MAD1L1: variants seen among roughly 807,000 people sequenced by gnomAD.
The protein encoded by MAD1L1 is mitotic arrest deficient 1 like 1, also known as mitotic spindle assembly checkpoint protein MAD1.
In MAD1L1, 95 loss-of-function variants were observed where a neutral mutation model predicts 96.9. The observed-to-expected ratio is 0.98, with a 90% CI of 0.83 to 1.16. The LOEUF (loss-of-function observed/expected upper bound fraction) is 1.16. Among genes scored for constraint, MAD1L1 ranks in the 50% most tolerant of loss-of-function variants. MAD1L1 has a pLI of 0.00. For missense variants in MAD1L1, 1,007 were observed against 954.4 expected (o/e 1.06, Z -0.73); for synonymous variants, 473 against 396.6 (o/e 1.19, Z -2.29).
At chr7:2,209,301 T>C (rs546305085) in intron 10 of MAD1L1, among the ~76,000 whole-genome samples, 2 of 151,706 alleles carry the variant, frequency 1.3e-5, no homozygotes, top group African/African-American at 2.4e-5. Flanking sequence ...TCAGCCAGGG[T>C]TTATCCAAGC....
chr7:1,999,547 GGGA>G (rs1781698686), intron 14 of MAD1L1, among the ~76,000 whole-genome samples: 1 of 152,172 alleles, frequency 6.6e-6, no homozygotes, highest in South Asian at 2.1e-4. Context: ...AAACCTCAGC[GGGA>G]CTGCGGGGAC....
intron 13 of MAD1L1, among the ~76,000 whole-genome samples, chr7:2,011,436 C>A (rs1017717801): frequency 2.0e-5 from 3 of 152,158 alleles, no homozygotes; most frequent in Non-Finnish European, 4.4e-5. Context: ...CCCGAACTTG[C>A]GCCACATCCA....
intron 15 of MAD1L1, among the ~76,000 whole-genome samples, chr7:1,959,475 C>T (rs1016705621): frequency 6.6e-6 from 1 of 152,080 alleles, no homozygotes; most frequent in Non-Finnish European, 1.5e-5. Flanking sequence ...CACGAGGCAG[C>T]GCAAGGAACA....
intron 10 of MAD1L1, among the ~76,000 whole-genome samples, chr7:2,209,646 C>A (rs928063222): frequency 1.3e-5 from 2 of 152,200 alleles, no homozygotes; most frequent in East Asian, 3.9e-4. Context: ...ATCACCAAGG[C>A]GGGGGCACCA....
At chr7:1,853,459 C>T (rs753985185) in intron 18 of MAD1L1, among the ~76,000 whole-genome samples, 165 of 152,272 alleles carry the variant, frequency 1.1e-3, no homozygotes, top group Non-Finnish European at 9.0e-4. Context: ...AGGCATCAGA[C>T]GGCAGTGACA....
chr7:2,211,718 C>G (rs1170153407), intron 10 of MAD1L1, among the ~76,000 whole-genome samples: 5 of 152,196 alleles, frequency 3.3e-5, no homozygotes, highest in Admixed American at 3.3e-4. Flanking sequence ...CAGCCCGGGC[C>G]GTGCTCTGAC....
At chr7:2,149,270 G>T (rs747563547) in intron 10 of MAD1L1, 32 bp from the exon 11 acceptor site, 7 of 1,563,500 alleles carry the variant, frequency 4.5e-6, no homozygotes, top group Admixed American at 1.7e-5. Context: ...CTCAGTTCCA[G>T]CTGTCCCCGA....
intron 12 of MAD1L1, among the ~76,000 whole-genome samples, chr7:2,040,925 G>A (rs933464714): frequency 1.3e-5 from 2 of 152,182 alleles, no homozygotes; most frequent in African/African-American, 2.4e-5. Context: ...AACCTTCTAC[G>A]TGATGTGTGC....
At chr7:2,116,330 G>A (rs1787689862) in intron 11 of MAD1L1, among the ~76,000 whole-genome samples, 1 of 152,202 alleles carries the variant, frequency 6.6e-6, no homozygotes, top group Non-Finnish European at 1.5e-5. Context: ...TCATATTCCT[G>A]AAGCACCTAA....
At chr7:1,950,723 G>T (rs1054380590) in intron 16 of MAD1L1, among the ~76,000 whole-genome samples, 1 of 152,340 alleles carries the variant, frequency 6.6e-6, no homozygotes, top group East Asian at 1.9e-4. Flanking sequence ...AGGCCCACAG[G>T]GGGAGGGTGC....
intron 12 of MAD1L1, among the ~76,000 whole-genome samples, chr7:2,050,517 G>A (rs1403946920): frequency 2.0e-5 from 3 of 152,212 alleles, no homozygotes; most frequent in Non-Finnish European, 4.4e-5. Context: ...CAGAACCATG[G>A]AGACCACAAG....
At chr7:1,838,356 T>C (rs60683692) in intron 18 of MAD1L1, among the ~76,000 whole-genome samples, 127 of 152,302 alleles carry the variant, frequency 8.3e-4, no homozygotes, top group African/African-American at 3.1e-3. Flanking sequence ...CAAAAATGCA[T>C]TTCCACACAC....
chr7:2,014,628 C>T lies in MAD1L1; in HGVS notation c.1233G>A (p.Met411Ile), dbSNP rs1417384390. 3 of 1,611,308 alleles carry T rather than the reference C, an allele frequency of 1.9e-6. No individual in the cohort carries two copies. The highest frequency in any genetic ancestry group is 1.3e-5 in the African/African-American group (1 of 74,914). ...VLLLTKERDG[M>I]RAILGSYDSE... is the part of the protein sequence containing the mutation. ...TGTCGTAGGACCCCAGGATGGCCCGCATACCGTCCCGCTCCTGTGGACACA... is the reference window on the plus strand; with the variant it reads ...TGTCGTAGGACCCCAGGATGGCCCGTATACCGTCCCGCTCCTGTGGACACA... Residue 411 changes from methionine (M) to isoleucine (I), a missense_variant, in exon 13 of 19, where the codon ATG becomes ATA. Met to Ile is a conservative substitution (Grantham distance 10). Coordinates refer to ENST00000265854, the MANE Select transcript of MAD1L1 (RefSeq NM_001013836.2).
chr7:2,036,585 G>A (rs1006792711), intron 12 of MAD1L1, among the ~76,000 whole-genome samples: 1 of 152,200 alleles, frequency 6.6e-6, no homozygotes. Flanking sequence ...TGTCACTGGA[G>A]AGCATTCCCC....
chr7:1,938,898 G>A (rs1362544309), intron 16 of MAD1L1, among the ~76,000 whole-genome samples: 1 of 95,540 alleles, frequency 1.0e-5, no homozygotes, highest in East Asian at 3.2e-4. Context: ...CGGGGCCAGA[G>A]GCGCGCACAC....
Position 1,980,739 on chromosome 7 carries a change from T to C in MAD1L1, c.1417-198A>G, listed in dbSNP as rs1022388047. On this transcript the variant is annotated intron_variant, in intron 14 of 18. Coordinates refer to ENST00000265854, the MANE Select transcript of MAD1L1 (RefSeq NM_001013836.2). Reference sequence around the variant, plus strand: ...AACTTTGCAAACTCAAGTTCTCTCATTTTTTTGTCACTTCCATCTCCTGAA... The same window carrying C: ...AACTTTGCAAACTCAAGTTCTCTCACTTTTTTGTCACTTCCATCTCCTGAA... 1.0e-5 allele frequency: 7 copies of C among 683,732 alleles called. No homozygotes were observed. In the African/African-American group the frequency reaches 1.1e-4, roughly 10 times the overall value. The allele number at this position is 683,732 out of a possible 1,614,324, so 42.4% of individuals were successfully genotyped here.
At chr7:1,881,042 G>A (rs190008235) in intron 18 of MAD1L1, among the ~76,000 whole-genome samples, 12 of 152,254 alleles carry the variant, frequency 7.9e-5, no homozygotes, top group African/African-American at 2.9e-4. Context: ...CCAGGGCCCC[G>A]GTGTGCTGAT....
At chr7:2,127,227 G>A (rs557818807) in intron 11 of MAD1L1, among the ~76,000 whole-genome samples, 303 of 152,238 alleles carry the variant, frequency 2.0e-3, no homozygotes, top group African/African-American at 7.1e-3. Context: ...CAGAGAAGAC[G>A]TCCCCGCCCT....
In MAD1L1 at chr7:2,144,438, A is replaced by G. The variant is rs1233609021; in HGVS notation, c.1073+4714T>C. 3.9e-5 allele frequency among the ~76,000 whole-genome samples: 6 copies of G among 152,292 alleles called. No individual in the cohort carries two copies. The South Asian group carries it at 1.2e-3, about 32-fold the overall frequency. ...TCCAAAGCACGGTCTTATTTCCAGC[A>G]CAGCAGAGAAACCGCCAAGAGCATG... is the stretch of plus-strand genomic sequence containing the variant. On this transcript the variant is annotated intron_variant, in intron 11 of 18. Coordinates refer to ENST00000265854, the MANE Select transcript of MAD1L1 (RefSeq NM_001013836.2).
Sources: gnomAD v4.1 joint callset for allele counts (sites outside exome capture counted in the v4.1 genomes callset) on GRCh38, gnomAD v4.1.1 for gene constraint, MANE v1.5 for transcripts, NCBI Gene and HGNC (gene_info 2026-07-23, HGNC 2026-07-21) for gene names.